The following LRRC18 variants were observed in gnomAD, a reference collection of about 807,000 sequenced individuals.
LRRC18 encodes leucine rich repeat containing 18, also known as leucine-rich repeat-containing protein 18.
Under a neutral mutation model 11.2 loss-of-function variants are expected in LRRC18, and 12 were observed. That is an observed-to-expected ratio of 1.07 (90% CI 0.69 to 1.74). The LOEUF (loss-of-function observed/expected upper bound fraction) is 1.74. Among genes scored for constraint, LRRC18 ranks in the 40% most tolerant of loss-of-function variants. The pLI is 0.00. For synonymous variants in LRRC18, 155 were observed against 130.6 expected (o/e 1.19, Z -1.27); for missense variants, 374 against 330.5 (o/e 1.13, Z -1.02).
chr10:48,911,173 C>T (rs1445497350), intron 1 of LRRC18, among the ~76,000 whole-genome samples: 1 of 152,210 alleles, frequency 6.6e-6, no homozygotes, highest in Non-Finnish European at 1.5e-5. Flanking sequence ...AGCATGGTGT[C>T]TCATCACACA....
chr10:48,936,696 G>A, the LRRC18 span, among the ~76,000 whole-genome samples: 1 of 151,532 alleles, frequency 6.6e-6, no homozygotes, highest in African/African-American at 2.4e-5. Context: ...ACATTAGTTG[G>A]GCATTGTGGC....
chr10:48,910,739 T>A (rs755283129), intron 1 of LRRC18: 33 of 165,216 alleles, frequency 2.0e-4, no homozygotes, highest in Non-Finnish European at 3.4e-4. Context: ...AGGCAAAGCA[T>A]GATAAAGCCC....
At chr10:48,912,447 A>G (rs1442610379) in intron 1 of LRRC18, among the ~76,000 whole-genome samples, 2 of 152,162 alleles carry the variant, frequency 1.3e-5, no homozygotes, top group Non-Finnish European at 2.9e-5. Context: ...GACCTGTCCA[A>G]CCTCAGAATC....
the LRRC18 span, among the ~76,000 whole-genome samples, chr10:48,925,476 G>A: frequency 2.6e-5 from 4 of 152,186 alleles, no homozygotes; most frequent in South Asian, 2.1e-4. Context: ...TTCTGGGCCC[G>A]AAATTGTGTG....
At chr10:48,914,226 TG>T in exon 1 of LRRC18, 1 of 1,490,648 alleles carries the variant, frequency 6.7e-7, no homozygotes. Context: ...GGAAAAATCA[TG>T]AAAAACTGCT....
chr10:48,913,708 C>T (rs774069229), exon 1 of LRRC18: 2 of 1,612,572 alleles, frequency 1.2e-6, no homozygotes, highest in South Asian at 2.2e-5. Context: ...TCATGGAGCC[C>T]TACCTCGTGG....
exon 1 of LRRC18, chr10:48,913,730 G>A (rs760200017): frequency 1.1e-5 from 17 of 1,612,972 alleles, no homozygotes; most frequent in African/African-American, 5.3e-5. Flanking sequence ...GCTCCTTCAG[G>A]GCCCCCAGTG....
the LRRC18 span, among the ~76,000 whole-genome samples, chr10:48,928,598 C>A: frequency 6.6e-6 from 1 of 152,190 alleles, no homozygotes; most frequent in Non-Finnish European, 1.5e-5. Context: ...CACATTGCTC[C>A]TTTGAGCTGC....
chr10:48,929,601 C>G, the LRRC18 span, among the ~76,000 whole-genome samples: 1 of 152,246 alleles, frequency 6.6e-6, no homozygotes, highest in African/African-American at 2.4e-5. Flanking sequence ...CCCACCTAGT[C>G]TCATTGCTTT....
At chr10:48,925,611 GA>G in the LRRC18 span, among the ~76,000 whole-genome samples, 17 of 152,210 alleles carry the variant, frequency 1.1e-4, no homozygotes, top group African/African-American at 4.1e-4. Flanking sequence ...CCTGTGGGCA[GA>G]AGGACAGATT....
the LRRC18 span, among the ~76,000 whole-genome samples, chr10:48,939,752 T>TTAGG: frequency 3.5e-4 from 54 of 152,338 alleles, no homozygotes; most frequent in East Asian, 8.5e-3. Flanking sequence ...TCACCTTTGG[T>TTAGG]TAGGTGTCCT....
chr10:48,910,950 A>T, intron 1 of LRRC18: 2 of 979,792 alleles, frequency 2.0e-6, no homozygotes, highest in South Asian at 9.4e-5. Context: ...ATACCTAAGG[A>T]GGGAAAATTA....
the LRRC18 span, among the ~76,000 whole-genome samples, chr10:48,938,891 G>T: frequency 6.6e-6 from 1 of 152,172 alleles, no homozygotes; most frequent in Non-Finnish European, 1.5e-5. Context: ...GGAGTGAAAG[G>T]GTTGATGTGA....
chr10:48,932,839 C>T, the LRRC18 span, among the ~76,000 whole-genome samples: 1 of 152,006 alleles, frequency 6.6e-6, no homozygotes, highest in Non-Finnish European at 1.5e-5. Flanking sequence ...GACATCTGAG[C>T]TGTAACTAGA....
At chr10:48,924,206 G>A in the LRRC18 span, among the ~76,000 whole-genome samples, 4 of 152,196 alleles carry the variant, frequency 2.6e-5, no homozygotes, top group Non-Finnish European at 4.4e-5. Context: ...CCCTTTCTGC[G>A]CTTCTCCCTG....
At chr10:48,927,684 C>T in the LRRC18 span, among the ~76,000 whole-genome samples, 3,197 of 152,256 alleles carry the variant, frequency 0.021, 122 homozygotes, top group African/African-American at 0.073. Context: ...CCTGGAAAGC[C>T]GTTAGCTGTC....
chr10:48,914,079 A>T, exon 1 of LRRC18: 3 of 1,614,166 alleles, frequency 1.9e-6, no homozygotes, highest in Non-Finnish European at 2.5e-6. Context: ...TTTCCCATCA[A>T]AAGTGATTTT....
chr10:48,927,428 T>C, the LRRC18 span, among the ~76,000 whole-genome samples: 1 of 152,200 alleles, frequency 6.6e-6, no homozygotes, highest in East Asian at 1.9e-4. Flanking sequence ...AGCTGCCTTA[T>C]TCCAGCACTT....
At chr10:48,910,336 CA>C in intron 1 of LRRC18, 78 bp from the exon 4 acceptor site, 1 of 1,280,470 alleles carries the variant, frequency 7.8e-7, no homozygotes, top group Non-Finnish European at 1.1e-6. Flanking sequence ...GAGGTCACAC[CA>C]GCTCACCAAG....
Sources: gnomAD v4.1 joint callset for allele counts (sites outside exome capture counted in the v4.1 genomes callset) on GRCh38, gnomAD v4.1.1 for gene constraint, MANE v1.5 for transcripts, NCBI Gene and HGNC (gene_info 2026-07-23, HGNC 2026-07-21) for gene names.